The following FRMPD2 variants were observed in gnomAD, a reference collection of about 807,000 sequenced individuals.
FRMPD2 encodes the protein FERM and PDZ domain-containing protein 2.
FRMPD2 carries 96 observed loss-of-function variants against 140.1 expected under a neutral mutation model. The ratio of observed to expected loss-of-function variants is 0.69; its 90% CI spans 0.58 to 0.81. FRMPD2 has a LOEUF of 0.81. FRMPD2 is among the 40% of genes least tolerant of loss of function. The probability of loss-of-function intolerance (pLI) is 0.00; values close to 1 mark genes in which losing one functional copy is unlikely to be tolerated. For synonymous variants in FRMPD2, 449 were observed against 547.6 expected, an observed-to-expected ratio of 0.82 and a Z score of 2.52; for missense variants, 1,240 against 1,447.4, an observed-to-expected ratio of 0.86 and a Z score of 2.32.
intron 17 of FRMPD2, 94 bp from the exon 18 acceptor site, chr10:48,185,739 C>G (rs553874980): frequency 1.1e-6 from 1 of 871,522 alleles, no homozygotes; most frequent in African/African-American, 1.6e-5. Context: ...CACACATGCG[C>G]GCACACACAT....
At chr10:48,239,362 G>A (rs1462912351) in intron 7 of FRMPD2, among the ~76,000 whole-genome samples, 1 of 152,188 alleles carries the variant, frequency 6.6e-6, no homozygotes, top group East Asian at 1.9e-4. Flanking sequence ...CCGCCACTCG[G>A]CCTGAGTATG....
Position 48,206,717 on chromosome 10 carries a change from G to T in FRMPD2, c.1797+31C>A, listed in dbSNP as rs184680354. 21 of 1,578,530 alleles carry T rather than the reference G, an allele frequency of 1.3e-5. No homozygotes were observed. In the African/African-American group the frequency reaches 1.9e-4, roughly 14 times the overall value. ...CCAACAAATCAAAGGAAAATGAAGTGCAGGTTATTTATCAACTGAGCTACA... is the reference window on the plus strand; with the variant it reads ...CCAACAAATCAAAGGAAAATGAAGTTCAGGTTATTTATCAACTGAGCTACA... On this transcript the variant is annotated intron_variant, in intron 14 of 28. Transcript: ENST00000374201.
At chr10:48,258,606 C>T (rs1840527505) in intron 1 of FRMPD2, among the ~76,000 whole-genome samples, 1 of 152,154 alleles carries the variant, frequency 6.6e-6, no homozygotes, top group South Asian at 2.1e-4. Flanking sequence ...TTCAGGATTC[C>T]AAGGTGGCAT....
At chr10:48,266,780 TAAC>T (rs1840685111) in intron 1 of FRMPD2, among the ~76,000 whole-genome samples, 1 of 152,234 alleles carries the variant, frequency 6.6e-6, no homozygotes, top group Admixed American at 6.5e-5. Flanking sequence ...CCTCTGGTGA[TAAC>T]AAGATGCCCC....
At chr10:48,173,143 G>A in intron 24 of FRMPD2, 50 bp from the exon 25 acceptor site, 3 of 671,306 alleles carry the variant, frequency 4.5e-6, no homozygotes, top group South Asian at 3.1e-5. Context: ...TGGCAACCAG[G>A]AGGCACTCCC....
At position 48,184,772 on chromosome 10, in the gene FRMPD2, A is replaced by T. The variant is rs1242822400; in HGVS notation, c.2467+2T>A. The T allele has an allele frequency of 6.2e-7, 1 of 1,610,160 alleles. No homozygotes were observed. Among genetic ancestry groups the T allele is most frequent in the South Asian group, 1.1e-5 (1 of 90,608 alleles). On this transcript the variant is annotated splice_donor_variant, in intron 19 of 28. Coordinates refer to ENST00000374201, the MANE Select transcript of FRMPD2 (RefSeq NM_001018071.4). LOFTEE classifies it high-confidence loss of function. ...CATCTCTAGTAATTTAAAAAGATGT[A>T]CCTGGTTTGATCGTTTTTGCTTTTT...
chr10:48,198,326 G>C (rs761264207), intron 15 of FRMPD2, among the ~76,000 whole-genome samples: 2 of 152,176 alleles, frequency 1.3e-5, no homozygotes, highest in Non-Finnish European at 2.9e-5. Context: ...AGTGTTGTGT[G>C]TCTATCTATA....
rs778857395 is a variant in FRMPD2, at chr10:48,187,195, C to A, written c.2263G>T (p.Ala755Ser). The A allele has an allele frequency of 6.2e-7, 1 of 1,612,662 alleles. No individual in the cohort carries two copies. Among genetic ancestry groups the A allele is most frequent in the South Asian group, 1.1e-5 (1 of 90,890 alleles). Reference protein sequence around the residue: ...LSGPPVQSMHAGSKNNRRKSF... With the variant: ...LSGPPVQSMHSGSKNNRRKSF... ...CTGGTCGTGGCCTGGCCCATACCTG[C>A]ATGCATGCTCTGAACAGGTGGTCCA... The change falls in exon 17 of 29, where the codon GCA (alanine) becomes TCA (serine). Residue 755 changes from alanine to serine, a missense_variant. This residue lies in a region of FRMPD2 where 1,161 missense variants were observed against 1,055.9 expected (regional missense o/e 1.10). Coordinates refer to ENST00000374201, the MANE Select transcript of FRMPD2 (RefSeq NM_001018071.4).
chr10:48,185,159 G>T (rs1169049426), intron 18 of FRMPD2, among the ~76,000 whole-genome samples: 2 of 152,184 alleles, frequency 1.3e-5, no homozygotes, highest in Non-Finnish European at 2.9e-5. Context: ...ACATAGGAAA[G>T]AAATGATTTT....
At chr10:48,187,324 G>C (rs749145772) in intron 16 of FRMPD2, 32 bp from the exon 17 acceptor site, 2 of 1,593,898 alleles carry the variant, frequency 1.3e-6, no homozygotes, top group Non-Finnish European at 1.7e-6. Context: ...GTTAGATAAG[G>C]TGGCCCACGG....
rs1221964455 is a variant in FRMPD2, at chr10:48,211,950, T to C, written c.1611+4A>G. 1.9e-6 allele frequency: 3 copies of C among 1,612,814 alleles called. No homozygotes were observed. Among genetic ancestry groups the C allele is most frequent in the African/African-American group, 1.3e-5 (1 of 74,870 alleles). On this transcript the variant is annotated splice_donor_region_variant and intron_variant, in intron 13 of 28. Coordinates refer to ENST00000374201, the MANE Select transcript of FRMPD2 (RefSeq NM_001018071.4). ...CACCTCTCTCCAGGTCAGGAAGGCC[T>C]TACCCTCAAGAACTTCAGCTCAGCA...
intron 13 of FRMPD2, 126 bp from the exon 14 acceptor site, chr10:48,207,059 T>A: frequency 1.2e-6 from 1 of 823,822 alleles, no homozygotes; most frequent in East Asian, 2.7e-5. Flanking sequence ...AATTGTCATG[T>A]AAGTTTAGGA....
In FRMPD2 at chr10:48,181,752, T is replaced by A. The variant is rs1277201938; in HGVS notation, c.2585-744A>T. Among the ~76,000 whole-genome samples the A allele has an allele frequency of 2.0e-5, 3 of 151,676 alleles. No individual in the cohort carries two copies. In the East Asian group the frequency reaches 5.8e-4, roughly 29 times the overall value. On this transcript the variant is annotated intron_variant, in intron 20 of 28. Coordinates refer to ENST00000374201, the MANE Select transcript of FRMPD2 (RefSeq NM_001018071.4). ...GTAGAGATAATATCAATATCAATAA[T>A]ATTGTAGAGTTGGTGAGGCTTAGAG...
chr10:48,222,031 T>C (rs564035175), intron 12 of FRMPD2, among the ~76,000 whole-genome samples: 2 of 150,886 alleles, frequency 1.3e-5, no homozygotes, highest in East Asian at 3.9e-4. Flanking sequence ...GATAGATGGA[T>C]GGATATATGA....
At chr10:48,266,610 G>A (rs1225779264) in intron 1 of FRMPD2, among the ~76,000 whole-genome samples, 2 of 152,194 alleles carry the variant, frequency 1.3e-5, no homozygotes, top group Non-Finnish European at 2.9e-5. Flanking sequence ...TCAACAAATA[G>A]TCAGCAAGGG....
intron 10 of FRMPD2, among the ~76,000 whole-genome samples, chr10:48,223,683 G>A (rs964577667): frequency 3.9e-5 from 6 of 152,142 alleles, no homozygotes; most frequent in Non-Finnish European, 8.8e-5. Context: ...GACTCCTACA[G>A]TCCAAATATG....
At chr10:48,236,945 T>C (rs140785532) in intron 8 of FRMPD2, among the ~76,000 whole-genome samples, 1 of 152,206 alleles carries the variant, frequency 6.6e-6, no homozygotes, top group Admixed American at 6.5e-5. Flanking sequence ...GCTGAAATGT[T>C]TTCTAGCTCT....
chr10:48,184,893 G>T lies in FRMPD2; in HGVS notation c.2360-12C>A. On this transcript the variant is annotated splice_polypyrimidine_tract_variant and intron_variant, in intron 18 of 28. Transcript: ENST00000374201. The stretch of plus-strand genomic sequence containing the variant: ...ATTAATGACAAACCCTGTAATCCAA[G>T]ATGATAGTCCATGATAAGATGATAC... 1 of 1,580,838 alleles carries T rather than the reference G, an allele frequency of 6.3e-7. No individual in the cohort carries two copies. The highest frequency in any genetic ancestry group is 8.7e-7 in the Non-Finnish European group (1 of 1,152,116).
chr10:48,184,483 T>C, intron 20 of FRMPD2, 83 bp downstream of exon 20: 1 of 847,224 alleles, frequency 1.2e-6, no homozygotes, highest in Admixed American at 2.1e-5. Context: ...TACGTGGACT[T>C]CAAGGTCTAG....
Sources: allele counts gnomAD v4.1 joint callset (sites outside exome capture counted in the v4.1 genomes callset), GRCh38; gene constraint gnomAD v4.1.1; regional missense constraint gnomAD v4.1.1; transcripts MANE v1.5; gene names NCBI Gene and HGNC (gene_info 2026-07-23, HGNC 2026-07-21).